PKHD1: variants seen among roughly 807,000 people sequenced by gnomAD.
The protein encoded by PKHD1 is fibrocystin.
In PKHD1, 291 loss-of-function variants were observed where a neutral mutation model predicts 412.0. That is an observed-to-expected ratio of 0.71 (90% CI 0.64 to 0.78). The LOEUF (loss-of-function observed/expected upper bound fraction) is 0.78, where lower values mean the gene tolerates loss of function less well. PKHD1 is among the 30% of genes least tolerant of loss of function. The pLI, the probability that PKHD1 is intolerant of heterozygous loss-of-function variation, is 0.00. For synonymous variants in PKHD1, 1,777 were observed against 1,821.5 expected (o/e 0.98, Z 0.62); for missense variants, 4,825 against 4,950.7 (o/e 0.97, Z 0.76).
rs200179145 is a variant in PKHD1 at position 51,903,601 on chromosome 6, A to G, written c.6992T>C (p.Ile2331Thr). ...TGGTAGAGCTGAACATCTTACCTCTATAACATTGGTGGGACTGCAGATATA... is the reference window on the plus strand; with the variant it reads ...TGGTAGAGCTGAACATCTTACCTCTGTAACATTGGTGGGACTGCAGATATA... ...GIYICSPTNVIEGNRVCGAGY... is the reference protein window; with the variant it reads ...GIYICSPTNVTEGNRVCGAGY... The change falls in exon 43 of 67, where the codon ATA (isoleucine) becomes ACA (threonine). Residue 2331 changes from isoleucine to threonine, a missense_variant. Coordinates refer to ENST00000371117, the MANE Select transcript of PKHD1 (RefSeq NM_138694.4). 6.2e-7 allele frequency: 1 copy of G among 1,610,160 alleles called. No homozygotes were observed. The highest frequency in any genetic ancestry group is 8.5e-7 in the Non-Finnish European group (1 of 1,177,264).
In PKHD1 at chr6:51,670,824, T is replaced by A. The variant is rs547148148; in HGVS notation, c.10157-10855A>T. Among the ~76,000 whole-genome samples, 470 of 150,950 alleles carry A rather than the reference T, an allele frequency of 3.1e-3. 3 individuals carry two copies. Among genetic ancestry groups the A allele is most frequent in the African/African-American group, 0.011 (443 of 41,454 alleles). ...ACTGATGAAGCTTAGTTTGGCTGGA[T>A]ATGAAATTCTGGGTTGAAAATTCTT... is the stretch of plus-strand genomic sequence containing the variant. On this transcript the variant is annotated intron_variant, in intron 60 of 66. Transcript: ENST00000371117.
chr6:51,683,508 G>T (rs1776989053), intron 60 of PKHD1, among the ~76,000 whole-genome samples: 1 of 152,118 alleles, frequency 6.6e-6, no homozygotes, highest in Non-Finnish European at 1.5e-5. Context: ...AAGCAAAATT[G>T]TACCTTATTT....
intron 61 of PKHD1, among the ~76,000 whole-genome samples, chr6:51,658,269 T>TC: frequency 6.6e-6 from 1 of 152,214 alleles, no homozygotes; most frequent in African/African-American, 2.4e-5. Flanking sequence ...TTGCATTTTT[T>TC]CTCATCCTCT....
chr6:51,910,909 C>CT (rs1782844545), intron 39 of PKHD1, among the ~76,000 whole-genome samples: 2 of 151,892 alleles, frequency 1.3e-5, no homozygotes, highest in South Asian at 4.2e-4. Context: ...CTCACATGCA[C>CT]CTATATTTAG....
rs545646794 is a variant in PKHD1, at chr6:51,966,917, A to T, written c.5752-6891T>A. On this transcript the variant is annotated intron_variant, in intron 35 of 66. Coordinates refer to ENST00000371117, the MANE Select transcript of PKHD1 (RefSeq NM_138694.4). ...ATTGGATTGGATTGGATTGGATTGG[A>T]TTGGATTGGATTGGGAAAGGAGCAG... 2.2e-4 allele frequency among the ~76,000 whole-genome samples: 34 copies of T among 152,084 alleles called. No individual in the cohort carries two copies. The South Asian group carries it at 4.6e-3, about 20-fold the overall frequency.
chr6:52,027,048 C>T (rs1802294538), intron 31 of PKHD1, among the ~76,000 whole-genome samples: 1 of 152,202 alleles, frequency 6.6e-6, no homozygotes, highest in African/African-American at 2.4e-5. Flanking sequence ...CCCATATCAG[C>T]ATGTGTGTTT....
intron 66 of PKHD1, among the ~76,000 whole-genome samples, chr6:51,625,653 T>C (rs544158888): frequency 6.6e-6 from 1 of 151,692 alleles, no homozygotes; most frequent in African/African-American, 2.4e-5. Flanking sequence ...AATAAAACAG[T>C]TAGGCACTGT....
chr6:51,985,897 T>G (rs1055956670), intron 35 of PKHD1, among the ~76,000 whole-genome samples: 5 of 152,222 alleles, frequency 3.3e-5, no homozygotes, highest in African/African-American at 1.2e-4. Flanking sequence ...GTTATTTATT[T>G]CTAGAAGTTA....
At chr6:51,926,134 G>A (rs972684919) in intron 37 of PKHD1, among the ~76,000 whole-genome samples, 15 of 152,236 alleles carry the variant, frequency 9.9e-5, no homozygotes, top group Admixed American at 5.9e-4. Flanking sequence ...AATGTCAAAC[G>A]GTGATGGGGA....
Position 51,855,522 on chromosome 6 carries a change from C to T in PKHD1, c.7911+371G>A, listed in dbSNP as rs377421590. Among the ~76,000 whole-genome samples the T allele has an allele frequency of 7.4e-4, 112 of 152,272 alleles. 1 individual carries two copies. Among genetic ancestry groups the T allele is most frequent in the African/African-American group, 2.6e-3 (108 of 41,536 alleles). On this transcript the variant is annotated intron_variant, in intron 49 of 66. Coordinates refer to ENST00000371117, the MANE Select transcript of PKHD1 (RefSeq NM_138694.4). ...TGCTTTGGTAAGGCATTTTCTCTGG[C>T]TACAAACACTTCTCTCTAGGGTAAA...
intron 60 of PKHD1, among the ~76,000 whole-genome samples, chr6:51,692,345 T>C (rs972122536): frequency 1.3e-5 from 2 of 151,940 alleles, no homozygotes; most frequent in African/African-American, 2.4e-5. Flanking sequence ...CCAACCTTAA[T>C]TGAGCCTTCA....
chr6:51,944,873 C>T (rs773466809), intron 36 of PKHD1, among the ~76,000 whole-genome samples: 5 of 152,210 alleles, frequency 3.3e-5, no homozygotes, highest in Non-Finnish European at 7.3e-5. Flanking sequence ...CACTGCTAGA[C>T]CATCTGCATC....
chr6:52,056,731 A>C lies in PKHD1; in HGVS notation c.1660T>G (p.Ser554Ala), dbSNP rs1325085209. The C allele has an allele frequency of 1.2e-6, 2 of 1,613,844 alleles. No individual in the cohort carries two copies. Among genetic ancestry groups the C allele is most frequent in the South Asian group, 1.1e-5 (1 of 91,078 alleles). Residue 554 changes from serine (S) to alanine (A), a missense_variant, in exon 18 of 67, where the codon TCT becomes GCT. Physicochemically the swap from Ser to Ala is moderately conservative, Grantham distance 99. Transcript: ENST00000371117. Reference sequence around the variant, plus strand: ...AATCCAAGCCGGAGAAGGATGTTAGACCAAAGGGGTTCCAGTTTGCATTTT... The same window carrying C: ...AATCCAAGCCGGAGAAGGATGTTAGCCCAAAGGGGTTCCAGTTTGCATTTT... ...AVKCKLEPLWSNILLRLGFER... is the reference protein window; with the variant it reads ...AVKCKLEPLWANILLRLGFER...
At chr6:51,960,298 T>G (rs1443120158) in intron 35 of PKHD1, among the ~76,000 whole-genome samples, 1 of 152,150 alleles carries the variant, frequency 6.6e-6, no homozygotes, top group Non-Finnish European at 1.5e-5. Flanking sequence ...TTTGAAGTTC[T>G]TCTGTGCCCA....
chr6:51,929,916 T>C (rs1361070690), intron 37 of PKHD1, among the ~76,000 whole-genome samples: 2 of 152,338 alleles, frequency 1.3e-5, no homozygotes, highest in East Asian at 3.9e-4. Flanking sequence ...GAGACTGTTT[T>C]TCTCCTAAGA....
At chr6:52,078,146 C>T (rs560994651) in intron 5 of PKHD1, among the ~76,000 whole-genome samples, 1 of 152,206 alleles carries the variant, frequency 6.6e-6, no homozygotes, top group African/African-American at 2.4e-5. Context: ...CCTCCCAGCT[C>T]GTGAGATCGT....
intron 37 of PKHD1, among the ~76,000 whole-genome samples, chr6:51,927,279 C>A (rs1269521384): frequency 6.6e-6 from 1 of 152,088 alleles, no homozygotes; most frequent in Admixed American, 6.6e-5. Flanking sequence ...TTGGGTGGGA[C>A]TTCTGCTCCT....
At chr6:51,738,432 CACA>C (rs914430477) in intron 60 of PKHD1, among the ~76,000 whole-genome samples, 5 of 152,250 alleles carry the variant, frequency 3.3e-5, no homozygotes, top group South Asian at 2.1e-4. Flanking sequence ...AGGTGTAATT[CACA>C]ACGTGAGGAC....
chr6:51,622,268 T>A (rs1766720822), intron 66 of PKHD1: 1 of 152,268 alleles, frequency 6.6e-6, no homozygotes. Context: ...TGGGTACTAG[T>A]CACTGGCTTC....
Sources: gnomAD v4.1 joint callset for allele counts (sites outside exome capture counted in the v4.1 genomes callset) on GRCh38, gnomAD v4.1.1 for gene constraint, MANE v1.5 for transcripts, NCBI Gene and HGNC (gene_info 2026-07-23, HGNC 2026-07-21) for gene names.